The following STXBP5L variants were observed in gnomAD, a reference collection of about 807,000 sequenced individuals.
The protein encoded by STXBP5L is syntaxin binding protein 5L.
STXBP5L carries 65 observed loss-of-function variants against 144.5 expected under a neutral mutation model. The observed-to-expected ratio is 0.45, with a 90% CI of 0.37 to 0.55. The LOEUF (loss-of-function observed/expected upper bound fraction) is 0.55. Among genes scored for constraint, STXBP5L ranks in the 20% least tolerant of loss-of-function variants. The pLI is 0.00. For missense variants in STXBP5L, 1,298 were observed against 1,405.5 expected (o/e 0.92, Z 1.22); for synonymous variants, 505 against 469.6 (o/e 1.08, Z -0.97).
At chr3:121,214,788 A>G (rs959403653) in intron 10 of STXBP5L, among the ~76,000 whole-genome samples, 1 of 152,142 alleles carries the variant, frequency 6.6e-6, no homozygotes, top group African/African-American at 2.4e-5. Context: ...TGACCTGTCT[A>G]ATATTGACAG....
intron 5 of STXBP5L, among the ~76,000 whole-genome samples, chr3:121,095,588 A>G (rs2043076577): frequency 1.3e-5 from 2 of 152,170 alleles, no homozygotes; most frequent in Admixed American, 6.5e-5. Flanking sequence ...CGGCTACTGA[A>G]GCTTGTGCAT....
At chr3:120,914,093 T>G in intron 2 of STXBP5L, among the ~76,000 whole-genome samples, 1 of 152,142 alleles carries the variant, frequency 6.6e-6, no homozygotes, top group South Asian at 2.1e-4. Context: ...TTAAATTTAT[T>G]TCAGTTTTTA....
At chr3:121,101,857 G>A (rs1238943123) in intron 5 of STXBP5L, among the ~76,000 whole-genome samples, 1 of 151,980 alleles carries the variant, frequency 6.6e-6, no homozygotes, top group South Asian at 2.1e-4. Flanking sequence ...TGAAAAGCTC[G>A]TGGAACTGAT....
At chr3:121,006,336 T>G (rs895534102) in intron 3 of STXBP5L, among the ~76,000 whole-genome samples, 33 of 152,180 alleles carry the variant, frequency 2.2e-4, no homozygotes, top group African/African-American at 8.0e-4. Context: ...TGATCTTTGT[T>G]GGTTTAAAGT....
Position 121,344,921 on chromosome 3 carries a change from T to G in STXBP5L, c.2176+26381T>G, listed in dbSNP as rs555651636. On this transcript the variant is annotated intron_variant, in intron 20 of 26. Transcript: ENST00000471454. ...AACTTTAAAATTACAAAGAAGAGTA[T>G]GTATATAAGATTATAAGATCTTTAA... 8.0e-5 allele frequency among the ~76,000 whole-genome samples: 12 copies of G among 150,432 alleles called. No individual in the cohort carries two copies. In the East Asian group the frequency reaches 2.1e-3, roughly 27 times the overall value.
intron 2 of STXBP5L, among the ~76,000 whole-genome samples, chr3:120,915,924 C>T (rs184914805): frequency 6.6e-6 from 1 of 152,200 alleles, no homozygotes; most frequent in East Asian, 1.9e-4. Flanking sequence ...CATTCATAGT[C>T]ACTGAATGAA....
intron 9 of STXBP5L, among the ~76,000 whole-genome samples, chr3:121,164,208 C>A (rs1414159608): frequency 6.6e-6 from 1 of 152,008 alleles, no homozygotes; most frequent in Non-Finnish European, 1.5e-5. Flanking sequence ...CACATTTCTC[C>A]AAAGAACACA....
intron 5 of STXBP5L, among the ~76,000 whole-genome samples, chr3:121,111,230 T>C (rs1201939772): frequency 6.6e-6 from 1 of 152,246 alleles, no homozygotes; most frequent in Non-Finnish European, 1.5e-5. Flanking sequence ...TTCTGAAGCC[T>C]ACTTCTGTCA....
chr3:121,394,227 A>G (rs1165499823), intron 22 of STXBP5L, among the ~76,000 whole-genome samples: 2 of 152,148 alleles, frequency 1.3e-5, no homozygotes, highest in Non-Finnish European at 2.9e-5. Flanking sequence ...CTTGATCATT[A>G]TTAGTGTATA....
rs563322265 is a variant in STXBP5L, at chr3:121,346,157, A to G, written c.2176+27617A>G. On this transcript the variant is annotated intron_variant, in intron 20 of 26. Transcript: ENST00000471454. ...GTGTGATGTTTCCCTTCCTGTGTCCATGTGTTCTCATTGTTCAATTCCCAC... is the reference window on the plus strand; with the variant it reads ...GTGTGATGTTTCCCTTCCTGTGTCCGTGTGTTCTCATTGTTCAATTCCCAC... Among the ~76,000 whole-genome samples, 8 of 129,662 alleles carry G rather than the reference A, an allele frequency of 6.2e-5. No homozygotes were observed. In the East Asian group the frequency reaches 1.8e-3, roughly 29 times the overall value. The allele number at this position is 129,662 out of a possible 152,430, so 85.1% of individuals were successfully genotyped here. A position where few individuals can be genotyped will look rare whatever the true frequency, so the allele number is the denominator to read the frequency against.
chr3:121,107,722 A>G (rs2043781218), intron 5 of STXBP5L, among the ~76,000 whole-genome samples: 1 of 149,386 alleles, frequency 6.7e-6, no homozygotes, highest in East Asian at 1.9e-4. Flanking sequence ...TATGAATTTT[A>G]AAGTAGTTTT....
At chr3:120,986,584 T>C (rs905793357) in intron 3 of STXBP5L, among the ~76,000 whole-genome samples, 5 of 151,984 alleles carry the variant, frequency 3.3e-5, no homozygotes, top group African/African-American at 4.8e-5. Context: ...ATTTTGTTAA[T>C]ATGTAATTAC....
intron 20 of STXBP5L, among the ~76,000 whole-genome samples, chr3:121,370,220 T>A (rs1394442092): frequency 6.6e-6 from 1 of 151,944 alleles, no homozygotes; most frequent in Non-Finnish European, 1.5e-5. Context: ...CAAAAAAAAT[T>A]AGCCAGGCAT....
chr3:121,353,087 T>A lies in STXBP5L; in HGVS notation c.2177-25629T>A, dbSNP rs570593502. Reference sequence around the variant, plus strand: ...TGTGGTGCTGGATTCGGTTTGCCAGTATTTTATTGAGGATTTTTGCATCCA... The same window carrying A: ...TGTGGTGCTGGATTCGGTTTGCCAGAATTTTATTGAGGATTTTTGCATCCA... On this transcript the variant is annotated intron_variant, in intron 20 of 26. Coordinates refer to ENST00000471454, the MANE Select transcript of STXBP5L (RefSeq NM_001308330.2). Among the ~76,000 whole-genome samples the A allele has an allele frequency of 2.6e-5, 4 of 152,348 alleles. No individual in the cohort carries two copies. In the East Asian group the frequency reaches 5.8e-4, roughly 22 times the overall value.
Position 120,943,137 on chromosome 3 carries a change from C to A in STXBP5L, c.190-11803C>A, listed in dbSNP as rs1211085594. On this transcript the variant is annotated intron_variant, in intron 2 of 26. Transcript: ENST00000471454. ...TTTCTGGCTTTGTAAATAAAATTAA[C>A]TCATATTTATATTTTTCTGAAAATG... Among the ~76,000 whole-genome samples, 19 of 151,476 alleles carry A rather than the reference C, an allele frequency of 1.3e-4. No homozygotes were observed. The Admixed American group carries it at 1.3e-3, about 10-fold the overall frequency.
intron 3 of STXBP5L, among the ~76,000 whole-genome samples, chr3:120,971,244 T>A (rs932092538): frequency 3.3e-5 from 5 of 152,078 alleles, no homozygotes; most frequent in African/African-American, 1.2e-4. Flanking sequence ...AAGAAAATTT[T>A]TTTGTAAATT....
intron 3 of STXBP5L, among the ~76,000 whole-genome samples, chr3:121,014,955 A>T (rs1382707208): frequency 6.6e-6 from 1 of 152,112 alleles, no homozygotes; most frequent in East Asian, 1.9e-4. Flanking sequence ...ATAATTGAAC[A>T]AAGGATATTC....
At chr3:121,002,648 T>G (rs1027906543) in intron 3 of STXBP5L, among the ~76,000 whole-genome samples, 1 of 151,986 alleles carries the variant, frequency 6.6e-6, no homozygotes, top group Non-Finnish European at 1.5e-5. Flanking sequence ...TATTTTCTTT[T>G]AAGAGATTAA....
At chr3:121,183,611 G>T (rs541872340) in intron 9 of STXBP5L, among the ~76,000 whole-genome samples, 9 of 145,030 alleles carry the variant, frequency 6.2e-5, no homozygotes, top group Non-Finnish European at 1.2e-4. Context: ...GAAAGAGAAA[G>T]GAAAAGAAAG....
Sources: allele counts gnomAD v4.1 joint callset (sites outside exome capture counted in the v4.1 genomes callset), GRCh38; gene constraint gnomAD v4.1.1; transcripts MANE v1.5; gene names NCBI Gene and HGNC (gene_info 2026-07-23, HGNC 2026-07-21).